BTBD17: variants seen among roughly 807,000 people sequenced by gnomAD.
BTBD17 encodes the protein BTB domain containing 17.
Under a neutral mutation model 36.9 loss-of-function variants are expected in BTBD17, and 26 were observed. The ratio of observed to expected loss-of-function variants is 0.70; its 90% CI spans 0.52 to 0.98. The LOEUF (loss-of-function observed/expected upper bound fraction) is 0.98. BTBD17 is among the 50% of genes least tolerant of loss of function. BTBD17 has a pLI of 0.00. For missense variants in BTBD17, 630 were observed against 691.3 expected (o/e 0.91, Z 0.99); for synonymous variants, 341 against 338.0 (o/e 1.01, Z -0.10).
Position 74,357,172 on chromosome 17 carries a change from C to G in BTBD17, c.922G>C (p.Gly308Arg), listed in dbSNP as rs768710711. The G allele has an allele frequency of 3.2e-6, 5 of 1,550,896 alleles. No individual in the cohort carries two copies. The Admixed American group carries it at 5.9e-5, about 18-fold the overall frequency. The change falls in exon 3 of 3, where the codon GGC becomes CGC. Residue 308 changes from glycine (G) to arginine (R), a missense_variant. Transcript: ENST00000375366. The surrounding 1 kb of genome is among the most constrained non-coding windows in gnomAD (Gnocchi z 8.4). ...TAGTTGCGGGGCAGGAAGGCGCTGC[C>G]GTTGACGTCGAAGAACTTGGCGTAG... Reference protein sequence around the residue: ...LHYAKFFDVNGSAFLPRNYLA... With the variant: ...LHYAKFFDVNRSAFLPRNYLA...
chr17:74,360,188 G>T lies in BTBD17; in HGVS notation c.143C>A (p.Ala48Glu). 6.2e-7 allele frequency: 1 copy of T among 1,611,548 alleles called. No homozygotes were observed. Among genetic ancestry groups the T allele is most frequent in the African/African-American group, 1.3e-5 (1 of 75,026 alleles). Residue 48 changes from alanine (A) to glutamate (E), a missense_variant, in exon 2 of 3, where the codon GCG becomes GAG. Physicochemically the swap from Ala to Glu is moderately radical, Grantham distance 107. Transcript: ENST00000375366. ...CAGCTCCTGCAAGCGCTGGAGCACC[G>T]CCTGGGAGTGGTTGATGGAGGTGCC... is the stretch of plus-strand genomic sequence containing the variant. Reference protein sequence around the residue: ...AAGTSINHSQAVLQRLQELLR... With the variant: ...AAGTSINHSQEVLQRLQELLR...
upstream of BTBD17, chr17:74,362,075 G>A (rs376589926): frequency 3.3e-4 from 146 of 448,804 alleles, no homozygotes; most frequent in African/African-American, 2.4e-3. Flanking sequence ...GAACAGATCC[G>A]GAACCCTCCT....
At position 74,360,165 on chromosome 17, in the gene BTBD17, G is replaced by A. The variant is rs1307440736; in HGVS notation, c.166C>T (p.Leu56=). The stretch of plus-strand genomic sequence containing the variant: ...TCGCTGGCGTTGCCCTGCCGCAGCA[G>A]CTCCTGCAAGCGCTGGAGCACCGCC... The part of the protein sequence containing the change: ...SQAVLQRLQE[L]LRQGNASDVV... The change falls in exon 2 of 3, where the codon CTG becomes TTG. Residue 56 remains leucine (L), a synonymous_variant. Transcript: ENST00000375366. 1.2e-6 allele frequency: 2 copies of A among 1,612,336 alleles called. No homozygotes were observed. The highest frequency in any genetic ancestry group is 2.2e-5 in the South Asian group (2 of 91,018).
Position 74,357,279 on chromosome 17 carries a change from G to T in BTBD17, c.815C>A (p.Ser272Ter). ...GGGGCCGTGGCGCGCCAGGGCTGCCGAGCGCGCCTGCAGCTGGAACAGCTG... is the reference window on the plus strand; with the variant it reads ...GGGGCCGTGGCGCGCCAGGGCTGCCTAGCGCGCCTGCAGCTGGAACAGCTG... ...PAQLFQLQARSAALARHGPAV... is the reference protein window; with the variant it reads ...PAQLFQLQAR The change falls in exon 3 of 3, where the codon TCG becomes TAG. Residue 272 changes from serine (S) to a stop codon, truncating the protein, a stop_gained. Coordinates refer to ENST00000375366, the MANE Select transcript of BTBD17 (RefSeq NM_001080466.2). LOFTEE classifies it high-confidence loss of function. This position sits in a 1 kb window ranked among gnomAD's most constrained non-coding sequence, Gnocchi z 8.4. 6.4e-7 allele frequency: 1 copy of T among 1,557,496 alleles called. No homozygotes were observed. Among genetic ancestry groups the T allele is most frequent in the Non-Finnish European group, 8.7e-7 (1 of 1,156,036 alleles).
Position 74,359,988 on chromosome 17 carries a change from C to G in BTBD17, c.343G>C (p.Val115Leu), listed in dbSNP as rs1244794406. ...VLQEPQDCAA[V>L]FDKFIRYLYC... Reference sequence around the variant, plus strand: ...CCCCACCTGATGAACTTGTCGAAGACAGCGGCGCAGTCCTGTGGCTCCTGC... The same window carrying G: ...CCCCACCTGATGAACTTGTCGAAGAGAGCGGCGCAGTCCTGTGGCTCCTGC... Residue 115 changes from valine to leucine, a missense_variant, in exon 2 of 3, where the codon GTC becomes CTC. Transcript: ENST00000375366. The G allele has an allele frequency of 6.2e-7, 1 of 1,611,104 alleles. No homozygotes were observed. Among genetic ancestry groups the G allele is most frequent in the South Asian group, 1.1e-5 (1 of 91,054 alleles).
upstream of BTBD17, among the ~76,000 whole-genome samples, chr17:74,362,485 C>T (rs1241237025): frequency 2.0e-5 from 3 of 152,304 alleles, no homozygotes; most frequent in East Asian, 5.8e-4. Context: ...GGGTGATGGG[C>T]TGGCAGGAAA....
At chr17:74,359,532 C>T (rs560612708) in intron 2 of BTBD17, among the ~76,000 whole-genome samples, 1 of 152,212 alleles carries the variant, frequency 6.6e-6, no homozygotes, top group East Asian at 1.9e-4. Flanking sequence ...GGATTACAGT[C>T]GTGTGCCACC....
Position 74,356,864 on chromosome 17 carries a change from C to T in BTBD17, c.1230G>A (p.Gln410=). Residue 410 remains glutamine, a synonymous_variant, in exon 3 of 3, where the codon CAG becomes CAA. Transcript: ENST00000375366. The surrounding 1 kb of genome is among the most constrained non-coding windows in gnomAD (Gnocchi z 4.3). ...SGGDAAGVSF[Q]KTVLVGARQQ... is the part of the protein sequence containing the mutation. Reference sequence around the variant, plus strand: ...GGCGCGCCCCCACCAGCACCGTCTTCTGGAAGCTCACGCCCGCCGCGTCGC... The same window carrying T: ...GGCGCGCCCCCACCAGCACCGTCTTTTGGAAGCTCACGCCCGCCGCGTCGC... 1.3e-6 allele frequency: 2 copies of T among 1,529,568 alleles called. No individual in the cohort carries two copies. The highest frequency in any genetic ancestry group is 1.7e-6 in the Non-Finnish European group (2 of 1,148,416). The allele number at this position is 1,529,568 out of a possible 1,614,324, so 94.7% of individuals were successfully genotyped here. A position where few individuals can be genotyped will look rare whatever the true frequency, so the allele number is the denominator to read the frequency against.
chr17:74,362,089 C>G (rs1470623023), upstream of BTBD17: 5 of 426,686 alleles, frequency 1.2e-5, no homozygotes, highest in African/African-American at 6.2e-5. Flanking sequence ...CCCTCCTCCC[C>G]CAATCTCCTT....
upstream of BTBD17, among the ~76,000 whole-genome samples, chr17:74,362,510 G>A (rs1328368148): frequency 6.6e-6 from 1 of 152,220 alleles, no homozygotes; most frequent in Non-Finnish European, 1.5e-5. Context: ...TGTGGGGACT[G>A]TGACTGTCGC....
chr17:74,360,308 G>T, intron 1 of BTBD17, 63 bp from the exon 2 acceptor site: 3 of 1,504,272 alleles, frequency 2.0e-6, no homozygotes, highest in Non-Finnish European at 1.8e-6. Context: ...CTCAGTCAGG[G>T]GTGGAGAGGG....
chr17:74,363,320 G>C (rs543016735), upstream of BTBD17, among the ~76,000 whole-genome samples: 1 of 152,248 alleles, frequency 6.6e-6, no homozygotes, highest in East Asian at 1.9e-4. Flanking sequence ...CTCCAGCCCA[G>C]CGGAAACCCC....
In BTBD17 at chr17:74,356,484, CTT is replaced by C; in HGVS notation, c.*171_*172del. On this transcript the variant is annotated 3_prime_UTR_variant, in exon 3 of 3. Transcript: ENST00000375366. The surrounding 1 kb of genome is among the most constrained non-coding windows in gnomAD (Gnocchi z 4.3). Reference sequence around the variant, plus strand: ...CTTCAAGTCAGCTGTGAAATCAGCTCTTGAAACCAGGCATCTTGTCTACCACG... The same window carrying C: ...CTTCAAGTCAGCTGTGAAATCAGCTCGAAACCAGGCATCTTGTCTACCACG... 9.0e-7 allele frequency: 1 copy of C among 1,114,890 alleles called. No individual in the cohort carries two copies. The highest frequency in any genetic ancestry group is 1.2e-6 in the Non-Finnish European group (1 of 865,544). The allele number at this position is 1,114,890 out of a possible 1,614,324, so 69.1% of individuals were successfully genotyped here. A position where few individuals can be genotyped will look rare whatever the true frequency, so the allele number is the denominator to read the frequency against.
In BTBD17 at chr17:74,357,337, G is replaced by T. The variant is rs766947399; in HGVS notation, c.757C>A (p.Arg253Ser). ...PPPAVAERALRAIRYPMIPPA... is the reference protein window; with the variant it reads ...PPPAVAERALSAIRYPMIPPA... The stretch of plus-strand genomic sequence containing the variant: ...GGGATCATGGGGTAGCGTATGGCGC[G>T]CAGCGCCCGCTCGGCCACGGCAGGG... Residue 253 changes from arginine (R) to serine (S), a missense_variant, in exon 3 of 3, where the codon CGC becomes AGC. Arg to Ser is a moderately radical substitution (Grantham distance 110). Coordinates refer to ENST00000375366, the MANE Select transcript of BTBD17 (RefSeq NM_001080466.2). The surrounding 1 kb of genome is among the most constrained non-coding windows in gnomAD (Gnocchi z 8.4). 25 of 1,551,740 alleles carry T rather than the reference G, an allele frequency of 1.6e-5. No individual in the cohort carries two copies. The highest frequency in any genetic ancestry group is 2.4e-5 in the East Asian group (1 of 41,204).
rs748492157 is a variant in BTBD17 at position 74,361,859 on chromosome 17, A to C, written c.-40T>G. The C allele has an allele frequency of 6.5e-7, 1 of 1,529,924 alleles. No homozygotes were observed. Among genetic ancestry groups the C allele is most frequent in the Admixed American group, 1.7e-5 (1 of 59,302 alleles). 94.8% of individuals were successfully genotyped at this position (1,529,924 alleles called of 1,614,324 possible). On this transcript the variant is annotated 5_prime_UTR_variant, in exon 1 of 3. Transcript: ENST00000375366. ...CCCAAGTCCACTGGAGGGACGGTGAAGCCCAGACCACTCTGCTCACATCCC... is the reference window on the plus strand; with the variant it reads ...CCCAAGTCCACTGGAGGGACGGTGACGCCCAGACCACTCTGCTCACATCCC...
upstream of BTBD17, chr17:74,361,940 T>A (rs867153237): frequency 1.8e-5 from 13 of 740,366 alleles, no homozygotes; most frequent in Middle Eastern, 2.2e-3. Context: ...CTGCTTGGCC[T>A]CCCTCCCCCA....
In BTBD17 at chr17:74,360,202, G is replaced by A; in HGVS notation, c.129C>T (p.Ile43=). 6.2e-7 allele frequency: 1 copy of A among 1,609,418 alleles called. No homozygotes were observed. Among genetic ancestry groups the A allele is most frequent in the Non-Finnish European group, 8.5e-7 (1 of 1,177,684 alleles). Reference sequence around the variant, plus strand: ...GCTGGAGCACCGCCTGGGAGTGGTTGATGGAGGTGCCAGCTGCCTCCCCGC... The same window carrying A: ...GCTGGAGCACCGCCTGGGAGTGGTTAATGGAGGTGCCAGCTGCCTCCCCGC... The part of the protein sequence containing the change: ...DVGGEAAGTS[I]NHSQAVLQRL... The change falls in exon 2 of 3, where the codon ATC becomes ATT. Residue 43 remains isoleucine, a synonymous_variant. Transcript: ENST00000375366.
chr17:74,362,262 C>T (rs897284193), upstream of BTBD17, among the ~76,000 whole-genome samples: 1 of 152,258 alleles, frequency 6.6e-6, no homozygotes, highest in East Asian at 1.9e-4. Context: ...TTGGCAGCGT[C>T]GTGCCTGGAG....
chr17:74,359,278 A>T (rs896661053), intron 2 of BTBD17, among the ~76,000 whole-genome samples: 3 of 152,222 alleles, frequency 2.0e-5, no homozygotes, highest in Non-Finnish European at 4.4e-5. Flanking sequence ...AAAATAAAAT[A>T]AAAAATGATT....
Sources: allele counts gnomAD v4.1 joint callset (sites outside exome capture counted in the v4.1 genomes callset), GRCh38; gene constraint gnomAD v4.1.1; non-coding constraint Gnocchi (gnomAD v3.1); transcripts MANE v1.5; gene names NCBI Gene and HGNC (gene_info 2026-07-23, HGNC 2026-07-21).